The following CAGE1 variants were observed in gnomAD, a reference collection of about 807,000 sequenced individuals.
The protein encoded by CAGE1 is cancer-associated gene 1 protein.
CAGE1 carries 66 observed loss-of-function variants against 94.9 expected under a neutral mutation model. The ratio of observed to expected loss-of-function variants is 0.70; its 90% confidence interval spans 0.57 to 0.85. The LOEUF is 0.85. Among genes scored for constraint, CAGE1 ranks in the 40% least tolerant of loss-of-function variants. CAGE1 has a pLI of 0.00. For synonymous variants in CAGE1, 319 were observed against 321.0 expected, an observed-to-expected ratio of 0.99 and a Z score of 0.07; for missense variants, 865 against 950.4, an observed-to-expected ratio of 0.91 and a Z score of 1.18.
At position 7,326,955 on chromosome 6, in the gene CAGE1, G is replaced by T; in HGVS notation, c.2479-56C>A. On this transcript the variant is annotated intron_variant, in intron 13 of 13. Coordinates refer to ENST00000502583, the MANE Select transcript of CAGE1 (RefSeq NM_001170692.2). ...TTTTGGGGAAAGACTAACATTCAGT[G>T]ACAGAACCCCTAAACAGCCAATTTT... 4 of 1,398,508 alleles carry T rather than the reference G, an allele frequency of 2.9e-6. No homozygotes were observed. In the South Asian group the frequency reaches 3.5e-5, roughly 12 times the overall value. 86.6% of individuals were successfully genotyped at this position (1,398,508 alleles called of 1,614,324 possible).
Position 7,356,060 on chromosome 6 carries a change from T to A in CAGE1, c.2263A>T (p.Lys755Ter). The A allele has an allele frequency of 1.9e-6, 3 of 1,549,576 alleles. No individual in the cohort carries two copies. Among genetic ancestry groups the A allele is most frequent in the Non-Finnish European group, 1.7e-6 (2 of 1,144,906 alleles). The change falls in exon 10 of 14, where the codon AAG becomes TAG. Residue 755 changes from lysine to a stop codon, truncating the protein, a stop_gained. Transcript: ENST00000502583. LOFTEE classifies it high-confidence loss of function. Reference sequence around the variant, plus strand: ...AAGTTGCCTAAATGTCTTTGATACTTGTCATTTTCTTCAATGAGTCTGTTG... The same window carrying A: ...AAGTTGCCTAAATGTCTTTGATACTAGTCATTTTCTTCAATGAGTCTGTTG... The part of the protein sequence containing the change: ...HCNRLIEEND[K>*]YQRHLGNLIK...
chr6:7,349,657 G>C (rs1759692330), intron 11 of CAGE1, among the ~76,000 whole-genome samples: 1 of 152,182 alleles, frequency 6.6e-6, no homozygotes, highest in South Asian at 2.1e-4. Context: ...CACTGGCCAG[G>C]TGCAGTGGCT....
In CAGE1 at chr6:7,368,779, G is replaced by T; in HGVS notation, c.1913C>A (p.Ala638Asp). 6.5e-7 allele frequency: 1 copy of T among 1,546,700 alleles called. No homozygotes were observed. Among genetic ancestry groups the T allele is most frequent in the Non-Finnish European group, 8.7e-7 (1 of 1,143,710 alleles). Residue 638 changes from alanine (A) to aspartate (D), a missense_variant, in exon 7 of 14, where the codon GCT becomes GAT. By Grantham distance (126) the Ala-to-Asp change is moderately radical (BLOSUM62 -2). Coordinates refer to ENST00000502583, the MANE Select transcript of CAGE1 (RefSeq NM_001170692.2). ...LTCQDIINSD[A>D]EHFKESEKVS... is the part of the protein sequence containing the mutation. Reference sequence around the variant, plus strand: ...CTTCTCACTCTCTTTGAAATGTTCAGCATCAGAATTGATGATGTCCTAAGG... The same window carrying T: ...CTTCTCACTCTCTTTGAAATGTTCATCATCAGAATTGATGATGTCCTAAGG...
At chr6:7,329,750 T>C in intron 13 of CAGE1, 99 bp downstream of exon 13, 1 of 654,424 alleles carries the variant, frequency 1.5e-6, no homozygotes, top group Admixed American at 2.5e-5. Flanking sequence ...GGTTGCACAG[T>C]ATGGAAATGT....
Position 7,339,348 on chromosome 6 carries a change from T to C in CAGE1, c.2370-5258A>G. 6.2e-7 allele frequency: 1 copy of C among 1,608,608 alleles called. No individual in the cohort carries two copies. Among genetic ancestry groups the C allele is most frequent in the African/African-American group, 1.3e-5 (1 of 74,970 alleles). ...GCCCTCTGGAGAGCCAAACCTCTTC[T>C]GAACTACAGCAGTCAGTTCCCGAAT... On this transcript the variant is annotated intron_variant, in intron 11 of 13. Transcript: ENST00000502583. The surrounding 1 kb of genome is among the most constrained non-coding windows in gnomAD (Gnocchi z 4.7).
intron 11 of CAGE1, among the ~76,000 whole-genome samples, chr6:7,346,017 C>T (rs1399381699): frequency 6.6e-6 from 1 of 152,058 alleles, no homozygotes; most frequent in Non-Finnish European, 1.5e-5. Context: ...TAGACTAGCA[C>T]CAATTTAAAA....
chr6:7,338,419 T>C (rs1186946858), intron 11 of CAGE1, among the ~76,000 whole-genome samples: 1 of 152,198 alleles, frequency 6.6e-6, no homozygotes, highest in Non-Finnish European at 1.5e-5. Context: ...AGTTCCTTTC[T>C]TTTCCTAGGT....
At chr6:7,332,944 CT>C (rs549891147) in intron 12 of CAGE1, among the ~76,000 whole-genome samples, 15 of 149,580 alleles carry the variant, frequency 1.0e-4, no homozygotes, top group Admixed American at 3.3e-4. Context: ...CTGCTGTGTT[CT>C]TTTTTTTTTC....
At chr6:7,356,892 G>C (rs1418639978) in intron 9 of CAGE1, among the ~76,000 whole-genome samples, 3 of 152,082 alleles carry the variant, frequency 2.0e-5, no homozygotes, top group Non-Finnish European at 4.4e-5. Context: ...TACCTCCCAG[G>C]TTCAAGCAAT....
chr6:7,372,908 C>T (rs1375975365), intron 5 of CAGE1, among the ~76,000 whole-genome samples, 165 bp downstream of exon 5: 4 of 152,104 alleles, frequency 2.6e-5, no homozygotes, highest in African/African-American at 9.7e-5. Flanking sequence ...AAACTCCTAG[C>T]CTCAAGAGAT....
At chr6:7,345,235 A>G (rs1056675392) in intron 11 of CAGE1, among the ~76,000 whole-genome samples, 5 of 148,798 alleles carry the variant, frequency 3.4e-5, no homozygotes, top group African/African-American at 1.0e-4. Context: ...CCAGCCTACC[A>G]AGAAGAAGGA....
chr6:7,332,136 C>T (rs1025586069), intron 12 of CAGE1, among the ~76,000 whole-genome samples: 17 of 152,334 alleles, frequency 1.1e-4, no homozygotes, highest in African/African-American at 3.6e-4. Flanking sequence ...AGCTGATGGA[C>T]ACCACTGTCT....
At chr6:7,330,112 T>A (rs986264128) in intron 12 of CAGE1, among the ~76,000 whole-genome samples, 3 of 152,074 alleles carry the variant, frequency 2.0e-5, no homozygotes, top group Non-Finnish European at 4.4e-5. Context: ...ATGAGGCAGG[T>A]TGCGGTGGCT....
chr6:7,338,696 C>A, intron 11 of CAGE1: 2 of 620,624 alleles, frequency 3.2e-6, no homozygotes, highest in Non-Finnish European at 5.7e-6. Context: ...AATCTTTTAT[C>A]CCTCACCCCC....
At chr6:7,382,118 G>T (rs144052134) in intron 3 of CAGE1, among the ~76,000 whole-genome samples, 2 of 151,580 alleles carry the variant, frequency 1.3e-5, no homozygotes, top group African/African-American at 4.8e-5. Flanking sequence ...GATTACAGGC[G>T]TGAGCCACCG....
chr6:7,347,504 G>A (rs1289356106), intron 11 of CAGE1: 2 of 42,920 alleles, frequency 4.7e-5, no homozygotes, highest in South Asian at 9.4e-4. Context: ...AAGCGAGGGT[G>A]GGGGGGGGGG....
chr6:7,343,969 ATGT>A (rs1388152319), intron 11 of CAGE1, among the ~76,000 whole-genome samples: 5 of 152,226 alleles, frequency 3.3e-5, no homozygotes, highest in African/African-American at 9.6e-5. Flanking sequence ...ACAGCACGTA[ATGT>A]TGTTTGGAGC....
In CAGE1 at chr6:7,373,168, C is replaced by T; in HGVS notation, c.1651G>A (p.Val551Ile). The change falls in exon 5 of 14, where the codon GTT (valine) becomes ATT (isoleucine). Residue 551 changes from valine to isoleucine, a missense_variant. Transcript: ENST00000502583. The stretch of plus-strand genomic sequence containing the variant: ...TAATTTTGCTCTTCACTCCTTGCAA[C>T]CTGCTGTTTAAGTTTTGCATTCTCA... ...KNENAKLKQQVARSEEQNYVP... is the reference protein window; with the variant it reads ...KNENAKLKQQIARSEEQNYVP... The T allele has an allele frequency of 1.9e-6, 3 of 1,613,816 alleles. No homozygotes were observed. The highest frequency in any genetic ancestry group is 2.5e-6 in the Non-Finnish European group (3 of 1,179,820).
At position 7,365,551 on chromosome 6, in the gene CAGE1, C is replaced by T. The variant is rs200028605; in HGVS notation, c.2110G>A (p.Ala704Thr). 675 of 1,611,062 alleles carry T rather than the reference C, an allele frequency of 4.2e-4. No individual in the cohort carries two copies. Among genetic ancestry groups the T allele is most frequent in the Non-Finnish European group, 5.6e-4 (655 of 1,177,666 alleles). The change falls in exon 9 of 14, where the codon GCC becomes ACC. Residue 704 changes from alanine (A) to threonine (T), a missense_variant. By Grantham distance (58) the Ala-to-Thr change is moderately conservative. Transcript: ENST00000502583. ...GTAGGTACATCTCTGATACTCTTGG[C>T]TTCATCTGAATCACAGTCTATGACC... ...IKVIDCDSDE[A>T]KSIRDVPTLL...
Sources: allele counts gnomAD v4.1 joint callset (sites outside exome capture counted in the v4.1 genomes callset), GRCh38; gene constraint gnomAD v4.1.1; non-coding constraint Gnocchi (gnomAD v3.1); transcripts MANE v1.5; gene names NCBI Gene and HGNC (gene_info 2026-07-23, HGNC 2026-07-21).